CNTLN: variants seen among roughly 807,000 people sequenced by gnomAD.
CNTLN encodes centlein, centrosomal protein.
A neutral mutation model predicts 180.0 loss-of-function variants in CNTLN; 212 were observed. That is an observed-to-expected ratio of 1.18 (90% CI 1.05 to 1.32). The LOEUF (loss-of-function observed/expected upper bound fraction) is 1.32. CNTLN is among the 40% of genes most tolerant of loss of function. The pLI is 0.00. For missense variants in CNTLN, 2,095 were observed against 1,610.9 expected (o/e 1.30, Z -5.14); for synonymous variants, 722 against 563.1 (o/e 1.28, Z -3.99).
intron 6 of CNTLN, among the ~76,000 whole-genome samples, chr9:17,276,958 T>C (rs1285106583): frequency 6.6e-6 from 1 of 152,100 alleles, no homozygotes; most frequent in Non-Finnish European, 1.5e-5. Flanking sequence ...TATATAATGA[T>C]GTACATGTCT....
chr9:17,353,601 T>G (rs964144179), intron 12 of CNTLN, among the ~76,000 whole-genome samples: 4 of 148,560 alleles, frequency 2.7e-5, no homozygotes, highest in East Asian at 3.9e-4. Context: ...TGTTTTCGTT[T>G]TTTTTTTTTT....
intron 2 of CNTLN, among the ~76,000 whole-genome samples, chr9:17,182,096 T>C (rs1477645143): frequency 6.6e-6 from 1 of 152,166 alleles, no homozygotes; most frequent in Admixed American, 6.5e-5. Context: ...CCTCATTATA[T>C]AGACTTGCAA....
intron 2 of CNTLN, among the ~76,000 whole-genome samples, chr9:17,222,540 C>G (rs1301800512): frequency 6.6e-6 from 1 of 151,982 alleles, no homozygotes; most frequent in Non-Finnish European, 1.5e-5. Flanking sequence ...TTTGCATCTT[C>G]CTCATTTTCT....
the CNTLN span, among the ~76,000 whole-genome samples, chr9:17,526,882 A>T: frequency 3.3e-5 from 5 of 151,012 alleles, no homozygotes; most frequent in Non-Finnish European, 5.9e-5. Flanking sequence ...TTGCTGTGTC[A>T]CCCAGGCTGG....
intron 5 of CNTLN, among the ~76,000 whole-genome samples, chr9:17,248,560 T>C (rs1228159735): frequency 4.1e-5 from 6 of 147,838 alleles, no homozygotes; most frequent in Non-Finnish European, 7.5e-5. Context: ...TAATTTATTA[T>C]ATAAATATAG....
chr9:17,405,591 A>G (rs1251688109), intron 15 of CNTLN, among the ~76,000 whole-genome samples: 2 of 151,602 alleles, frequency 1.3e-5, no homozygotes, highest in African/African-American at 2.4e-5. Flanking sequence ...ATCACCTCTT[A>G]TTAGATTCCA....
intron 2 of CNTLN, among the ~76,000 whole-genome samples, chr9:17,192,239 CTTTT>C (rs202082553): frequency 0.016 from 2,176 of 134,472 alleles, 50 homozygotes; most frequent in African/African-American, 0.057. Context: ...AGGCCCTATT[CTTTT>C]TTTTTTTTTT....
chr9:17,244,133 T>G (rs1825661534), intron 5 of CNTLN, among the ~76,000 whole-genome samples: 1 of 152,090 alleles, frequency 6.6e-6, no homozygotes, highest in Non-Finnish European at 1.5e-5. Flanking sequence ...TCCTGCTCCT[T>G]TTTGGTTTTC....
intron 5 of CNTLN, among the ~76,000 whole-genome samples, chr9:17,248,539 A>AGT (rs201521152): frequency 0.17 from 25,506 of 146,494 alleles, 2,489 homozygotes; most frequent in South Asian, 0.28. Flanking sequence ...TATAATTATA[A>AGT]ATATATTTAA....
At chr9:17,265,479 C>G (rs13288642) in intron 5 of CNTLN, among the ~76,000 whole-genome samples, 37,875 of 149,648 alleles carry the variant, frequency 0.25, 4,870 homozygotes, top group South Asian at 0.39. Flanking sequence ...CAATGTTCAT[C>G]AAGGATATTG....
chr9:17,237,478 GA>G (rs11366075), intron 5 of CNTLN, among the ~76,000 whole-genome samples: 28,986 of 128,152 alleles, frequency 0.23, 3,539 homozygotes, highest in African/African-American at 0.37. Flanking sequence ...AAGCTATTCA[GA>G]AAAAAAAAAC....
Position 17,199,457 on chromosome 9 carries a change from C to T in CNTLN, c.450-26746C>T, listed in dbSNP as rs1383549984. Among the ~76,000 whole-genome samples, 2 of 152,098 alleles carry T rather than the reference C, an allele frequency of 1.3e-5. 1 individual carries two copies. The highest frequency in any genetic ancestry group is 4.1e-4 in the South Asian group (2 of 4,822). ...CAATCTCCTGACCTCGTGATCCACC[C>T]TCCTTGGCCTCCCAAAGTGCTGGGA... is the stretch of plus-strand genomic sequence containing the variant. On this transcript the variant is annotated intron_variant, in intron 2 of 25. Coordinates refer to ENST00000380647, the MANE Select transcript of CNTLN (RefSeq NM_017738.4).
intron 12 of CNTLN, among the ~76,000 whole-genome samples, chr9:17,343,856 C>T (rs1821675009): frequency 6.6e-6 from 1 of 152,168 alleles, no homozygotes; most frequent in East Asian, 1.9e-4. Flanking sequence ...CCATCCTGCC[C>T]AGCCCTAGGA....
chr9:17,361,821 T>C (rs1319573293), intron 12 of CNTLN, among the ~76,000 whole-genome samples: 1 of 152,204 alleles, frequency 6.6e-6, no homozygotes, highest in Non-Finnish European at 1.5e-5. Context: ...CTGCCTATTG[T>C]CCAGTGGCCG....
intron 3 of CNTLN, among the ~76,000 whole-genome samples, chr9:17,234,870 G>A (rs1825039563): frequency 6.6e-6 from 1 of 152,110 alleles, no homozygotes; most frequent in African/African-American, 2.4e-5. Flanking sequence ...ATCAGGATAT[G>A]GATTTCATTT....
intron 10 of CNTLN, among the ~76,000 whole-genome samples, chr9:17,338,338 T>TTG (rs1013370901): frequency 1.7e-4 from 4 of 23,722 alleles, no homozygotes; most frequent in Non-Finnish European, 2.2e-4. Flanking sequence ...CTAATTTTTG[T>TTG]TTTTTTTTTT....
At chr9:17,486,940 A>C in intron 24 of CNTLN, 49 bp from the exon 25 acceptor site, 1 of 869,212 alleles carries the variant, frequency 1.2e-6, no homozygotes, top group Non-Finnish European at 1.9e-6. Context: ...AGTATAAACA[A>C]GTTCATATAA....
chr9:17,178,973 G>A (rs1235890429), intron 2 of CNTLN, among the ~76,000 whole-genome samples: 11 of 146,078 alleles, frequency 7.5e-5, no homozygotes, highest in East Asian at 1.9e-4. Flanking sequence ...GGCCGGGCGC[G>A]GTGGCTCACG....
chr9:17,153,395 T>A (rs1028198746), intron 2 of CNTLN, among the ~76,000 whole-genome samples: 2 of 152,230 alleles, frequency 1.3e-5, no homozygotes, highest in African/African-American at 4.8e-5. Context: ...TAAAGGACTT[T>A]ATTTCTCATT....
Sources: allele counts gnomAD v4.1 joint callset (sites outside exome capture counted in the v4.1 genomes callset), GRCh38; gene constraint gnomAD v4.1.1; transcripts MANE v1.5; gene names NCBI Gene and HGNC (gene_info 2026-07-23, HGNC 2026-07-21).